SMARCC1: variants seen among roughly 807,000 people sequenced by gnomAD.
SMARCC1 encodes the protein SWI/SNF complex subunit SMARCC1.
SMARCC1 carries 43 observed loss-of-function variants against 147.4 expected under a neutral mutation model. The observed-to-expected ratio is 0.29, with a 90% CI of 0.23 to 0.38. The LOEUF is 0.38. Among genes scored for constraint, SMARCC1 ranks in the 10% least tolerant of loss-of-function variants. SMARCC1 has a pLI of 1.00. For synonymous variants in SMARCC1, 495 were observed against 484.4 expected (o/e 1.02, Z -0.29); for missense variants, 1,119 against 1,381.1 (o/e 0.81, Z 3.01).
intron 26 of SMARCC1, among the ~76,000 whole-genome samples, chr3:47,605,411 G>C (rs1345346583): frequency 2.6e-5 from 4 of 152,192 alleles, no homozygotes; most frequent in African/African-American, 7.2e-5. Context: ...ATAGCAAACA[G>C]AAGGAACAAA....
intron 2 of SMARCC1, among the ~76,000 whole-genome samples, chr3:47,761,304 A>G (rs2034770953): frequency 6.7e-6 from 1 of 149,296 alleles, no homozygotes; most frequent in South Asian, 2.1e-4. Flanking sequence ...AGTATCTCAG[A>G]AAAAAAAAAG....
chr3:47,660,522 T>C (rs956167396), intron 21 of SMARCC1, among the ~76,000 whole-genome samples: 2 of 148,534 alleles, frequency 1.3e-5, no homozygotes, highest in South Asian at 2.1e-4. Flanking sequence ...ATTGGGTATA[T>C]CCACACAAAG....
chr3:47,654,351 G>A (rs1202710337), intron 21 of SMARCC1, among the ~76,000 whole-genome samples: 3 of 152,190 alleles, frequency 2.0e-5, no homozygotes, highest in South Asian at 4.1e-4. Flanking sequence ...GAACAGAGAC[G>A]TGACTTCGCC....
intron 18 of SMARCC1, among the ~76,000 whole-genome samples, chr3:47,671,173 CAAAAAAAA>C (rs775759680): frequency 4.1e-4 from 12 of 29,240 alleles, no homozygotes; most frequent in Non-Finnish European, 5.0e-4. Context: ...GAGACTATCT[CAAAAAAAA>C]AAAAAAAAAA....
In SMARCC1 at chr3:47,588,195, C is replaced by G. The variant is rs763906752; in HGVS notation, c.*14G>C. 2.5e-6 allele frequency: 4 copies of G among 1,605,000 alleles called. No homozygotes were observed. The highest frequency in any genetic ancestry group is 2.6e-6 in the Non-Finnish European group (3 of 1,172,716). ...TCATGGTGGTGGGCGTGGAGGTTCCCTGCATCTTCCAGGCTAAGGAGCAGC... is the reference window on the plus strand; with the variant it reads ...TCATGGTGGTGGGCGTGGAGGTTCCGTGCATCTTCCAGGCTAAGGAGCAGC... On this transcript the variant is annotated 3_prime_UTR_variant, in exon 28 of 28. Coordinates refer to ENST00000254480, the MANE Select transcript of SMARCC1 (RefSeq NM_003074.4).
intron 2 of SMARCC1, among the ~76,000 whole-genome samples, chr3:47,750,536 CCA>C (rs1195740502): frequency 6.6e-6 from 1 of 152,144 alleles, no homozygotes; most frequent in African/African-American, 2.4e-5. Flanking sequence ...CCCTAAATCC[CCA>C]GATTGGTCTA....
At chr3:47,704,724 G>A (rs894675292) in intron 10 of SMARCC1, among the ~76,000 whole-genome samples, 2 of 151,992 alleles carry the variant, frequency 1.3e-5, no homozygotes, top group Non-Finnish European at 2.9e-5. Context: ...GGAGACCAGT[G>A]TGGGTAACAA....
chr3:47,694,918 T>C (rs936712772), intron 11 of SMARCC1, among the ~76,000 whole-genome samples: 1 of 152,218 alleles, frequency 6.6e-6, no homozygotes, highest in Non-Finnish European at 1.5e-5. Flanking sequence ...TTTAGGATTC[T>C]AGTCCTTTGT....
At position 47,678,307 on chromosome 3, in the gene SMARCC1, A is replaced by C. The variant is rs1035192793; in HGVS notation, c.1462T>G (p.Leu488Val). 1 of 1,568,382 alleles carries C rather than the reference A, an allele frequency of 6.4e-7. No individual in the cohort carries two copies. ...TCAATCATAAAATTTCGATATGCCA[A>C]GTATCTAAAAAGCAATGGCAAAATT... ...KNKSKTPEIY[L>V]AYRNFMIDTY... The change falls in exon 16 of 28, where the codon TTG becomes GTG. Residue 488 changes from leucine to valine, a missense_variant. By Grantham distance (32) the Leu-to-Val change is conservative. Coordinates refer to ENST00000254480, the MANE Select transcript of SMARCC1 (RefSeq NM_003074.4).
intron 2 of SMARCC1, among the ~76,000 whole-genome samples, chr3:47,768,459 T>C (rs1225449419): frequency 6.6e-6 from 1 of 152,184 alleles, no homozygotes; most frequent in South Asian, 2.1e-4. Flanking sequence ...AGCCTACATA[T>C]AACACTCTCT....
intron 26 of SMARCC1, among the ~76,000 whole-genome samples, chr3:47,599,944 T>C (rs2032357886): frequency 6.6e-6 from 1 of 152,198 alleles, no homozygotes. Context: ...CCAGTAGTAC[T>C]ATTTCCAAAG....
intron 2 of SMARCC1, 115 bp downstream of exon 2, chr3:47,772,702 C>CT (rs887634288): frequency 0.012 from 10,198 of 837,556 alleles, no homozygotes; most frequent in Middle Eastern, 0.018. Context: ...TTGTTTTTTG[C>CT]TTTTTTTTTT....
chr3:47,736,150 T>G, intron 4 of SMARCC1, 24 bp from the exon 5 acceptor site: 1 of 1,279,812 alleles, frequency 7.8e-7, no homozygotes, highest in Non-Finnish European at 1.1e-6. Context: ...GAACAGACTT[T>G]CAAATTCTCT....
chr3:47,680,185 G>A, intron 15 of SMARCC1: 1 of 372,210 alleles, frequency 2.7e-6, no homozygotes, highest in Non-Finnish European at 4.8e-6. Context: ...TCATGACACT[G>A]CACAACAGCC....
intron 2 of SMARCC1, among the ~76,000 whole-genome samples, chr3:47,752,511 T>C (rs549751387): frequency 6.5e-4 from 99 of 152,254 alleles, no homozygotes; most frequent in African/African-American, 2.3e-3. Context: ...GGCAGCCGGA[T>C]GCAGTGGCTC....
At chr3:47,753,509 T>C (rs939072413) in intron 2 of SMARCC1, among the ~76,000 whole-genome samples, 1 of 147,528 alleles carries the variant, frequency 6.8e-6, no homozygotes, top group African/African-American at 2.5e-5. Flanking sequence ...AGGTCAGGAG[T>C]TCAAGACCTG....
At position 47,732,802 on chromosome 3, in the gene SMARCC1, A is replaced by C. The variant is rs2034391324; in HGVS notation, c.576+3232T>G. On this transcript the variant is annotated intron_variant, in intron 5 of 27. Transcript: ENST00000254480. ...ATAGCACCTATCACAGATCACTATAACATGTATAATAATACTAAAAAAGTA... is the reference window on the plus strand; with the variant it reads ...ATAGCACCTATCACAGATCACTATACCATGTATAATAATACTAAAAAAGTA... Among the ~76,000 whole-genome samples, 4 of 152,176 alleles carry C rather than the reference A, an allele frequency of 2.6e-5. No individual in the cohort carries two copies. In the South Asian group the frequency reaches 8.3e-4, roughly 31 times the overall value.
At chr3:47,668,212 CTGTTT>C (rs1213895504) in intron 19 of SMARCC1, among the ~76,000 whole-genome samples, 2 of 151,928 alleles carry the variant, frequency 1.3e-5, no homozygotes, top group African/African-American at 4.8e-5. Context: ...TCTTGTTGTG[CTGTTT>C]TGTTTTTTTA....
At chr3:47,761,857 G>A (rs2034778353) in intron 2 of SMARCC1, among the ~76,000 whole-genome samples, 1 of 152,104 alleles carries the variant, frequency 6.6e-6, no homozygotes, top group South Asian at 2.1e-4. Flanking sequence ...TGCCCAGGCT[G>A]GAGTGCAGTG....
Sources: allele counts gnomAD v4.1 joint callset (sites outside exome capture counted in the v4.1 genomes callset), GRCh38; gene constraint gnomAD v4.1.1; transcripts MANE v1.5; gene names NCBI Gene and HGNC (gene_info 2026-07-23, HGNC 2026-07-21).